DTD1: variants seen among roughly 807,000 people sequenced by gnomAD.
DTD1 encodes D-aminoacyl-tRNA deacylase 1.
Under a neutral mutation model 25.6 loss-of-function variants are expected in DTD1, and 13 were observed. The observed-to-expected ratio is 0.51, with a 90% CI of 0.33 to 0.81. DTD1 has a LOEUF of 0.81. DTD1 is among the 30% of genes least tolerant of loss of function. DTD1 has a pLI of 0.02. For missense variants in DTD1, 193 were observed against 266.4 expected, an observed-to-expected ratio of 0.72 and a Z score of 1.92; for synonymous variants, 110 against 103.6, an observed-to-expected ratio of 1.06 and a Z score of -0.37.
At chr20:18,708,207 T>TAA (rs1371286340) in intron 4 of DTD1, among the ~76,000 whole-genome samples, 2 of 6,862 alleles carry the variant, frequency 2.9e-4, no homozygotes, top group Non-Finnish European at 1.3e-3. Context: ...ATATATATAT[T>TAA]TTATATATAT....
At chr20:18,628,314 G>A (rs2060768243) in intron 4 of DTD1, 81 bp downstream of exon 4, 5 of 1,046,526 alleles carry the variant, frequency 4.8e-6, no homozygotes, top group Non-Finnish European at 7.2e-6. Context: ...TCCTCGGTCT[G>A]AGGAAATACA....
chr20:18,622,942 ATT>A (rs771564529), intron 3 of DTD1, among the ~76,000 whole-genome samples: 1 of 129,738 alleles, frequency 7.7e-6, no homozygotes, highest in Non-Finnish European at 1.6e-5. Context: ...ATTTTATAGA[ATT>A]TTTTTTTTTT....
intron 4 of DTD1, among the ~76,000 whole-genome samples, chr20:18,641,017 C>A (rs1288966581): frequency 6.6e-6 from 1 of 152,212 alleles, no homozygotes; most frequent in Non-Finnish European, 1.5e-5. Context: ...CAGCCACTGG[C>A]AACGGCCCTT....
intron 4 of DTD1, among the ~76,000 whole-genome samples, chr20:18,715,380 T>C (rs963544207): frequency 1.3e-5 from 2 of 152,144 alleles, no homozygotes; most frequent in Non-Finnish European, 2.9e-5. Flanking sequence ...GCATATCTGC[T>C]TCATCTTTGG....
intron 4 of DTD1, among the ~76,000 whole-genome samples, chr20:18,708,051 G>A (rs1299763449): frequency 6.7e-6 from 1 of 149,640 alleles, no homozygotes; most frequent in Non-Finnish European, 1.5e-5. Flanking sequence ...CCATTTCTCT[G>A]CCTCTTGAAA....
chr20:18,712,898 G>A (rs1158322937), intron 4 of DTD1, among the ~76,000 whole-genome samples: 5 of 152,228 alleles, frequency 3.3e-5, no homozygotes, highest in African/African-American at 9.6e-5. Flanking sequence ...TGCCACATAA[G>A]GTACCAGTTT....
chr20:18,658,298 T>C (rs189869312), intron 4 of DTD1, among the ~76,000 whole-genome samples: 16 of 151,830 alleles, frequency 1.1e-4, no homozygotes, highest in Non-Finnish European at 2.2e-4. Context: ...TACCAAGCTA[T>C]AGCTAGTGTC....
chr20:18,590,637 A>AT (rs936978513), intron 1 of DTD1, among the ~76,000 whole-genome samples: 3 of 151,774 alleles, frequency 2.0e-5, no homozygotes, highest in African/African-American at 7.3e-5. Flanking sequence ...TGCCTGGCTA[A>AT]TTTTTTTGTA....
chr20:18,660,064 C>A (rs1011722668), intron 4 of DTD1, among the ~76,000 whole-genome samples: 6 of 151,938 alleles, frequency 3.9e-5, no homozygotes, highest in Non-Finnish European at 1.5e-5. Context: ...ATGGTGAGAC[C>A]CTATCTCTAC....
chr20:18,682,944 G>A (rs1032609797), intron 4 of DTD1, among the ~76,000 whole-genome samples: 3 of 152,200 alleles, frequency 2.0e-5, no homozygotes, highest in Non-Finnish European at 4.4e-5. Flanking sequence ...ATATGTATAT[G>A]CTCAAACTTC....
intron 5 of DTD1, among the ~76,000 whole-genome samples, chr20:18,747,738 C>CT (rs1238457018): frequency 6.6e-6 from 1 of 151,996 alleles, no homozygotes; most frequent in African/African-American, 2.4e-5. Context: ...TTGGGCTGGG[C>CT]ATGGTGGCTC....
At chr20:18,613,194 A>G (rs1011074582) in intron 3 of DTD1, among the ~76,000 whole-genome samples, 1 of 152,150 alleles carries the variant, frequency 6.6e-6, no homozygotes, top group African/African-American at 2.4e-5. Context: ...TTTGTAACTT[A>G]TCCATCAATA....
At chr20:18,741,817 G>A (rs185066116) in intron 4 of DTD1, among the ~76,000 whole-genome samples, 1 of 151,866 alleles carries the variant, frequency 6.6e-6, no homozygotes, top group East Asian at 1.9e-4. Flanking sequence ...CTGCTTGCTG[G>A]GCTCAAGCGA....
intron 4 of DTD1, among the ~76,000 whole-genome samples, chr20:18,633,459 A>C (rs1426457000): frequency 6.6e-6 from 1 of 152,108 alleles, no homozygotes; most frequent in Admixed American, 6.5e-5. Context: ...ATCTGCTATC[A>C]TGGTCCACAC....
chr20:18,657,529 C>CA (rs1876794089), intron 4 of DTD1, among the ~76,000 whole-genome samples: 1 of 152,142 alleles, frequency 6.6e-6, no homozygotes, highest in South Asian at 2.1e-4. Flanking sequence ...TGGGCTTGGC[C>CA]AACAAAAGGA....
chr20:18,625,388 C>A lies in DTD1; in HGVS notation c.371-2739C>A, dbSNP rs143359227. On this transcript the variant is annotated intron_variant, in intron 3 of 5. Transcript: ENST00000377452. ...CTGGTCTCTGCCTAAGGCCCCAGAG[C>A]CCTTGCCTCAGCTTTCCAGGCACCT... Among the ~76,000 whole-genome samples, 7 of 152,364 alleles carry A rather than the reference C, an allele frequency of 4.6e-5. No homozygotes were observed. In the East Asian group the frequency reaches 1.3e-3, roughly 29 times the overall value.
chr20:18,673,312 T>A (rs533648935), intron 4 of DTD1, among the ~76,000 whole-genome samples: 2 of 152,210 alleles, frequency 1.3e-5, no homozygotes, highest in Non-Finnish European at 2.9e-5. Context: ...TATGAAAAAT[T>A]CTACAAGTCA....
Position 18,706,876 on chromosome 20 carries a change from C to T in DTD1, c.478-37224C>T, listed in dbSNP as rs191895442. Among the ~76,000 whole-genome samples the T allele has an allele frequency of 1.1e-3, 167 of 152,290 alleles. 1 individual carries two copies. Among genetic ancestry groups the T allele is most frequent in the African/African-American group, 3.6e-3 (148 of 41,544 alleles). On this transcript the variant is annotated intron_variant, in intron 4 of 5. Coordinates refer to ENST00000377452, the MANE Select transcript of DTD1 (RefSeq NM_080820.6). ...ATTGAGTTCTTTTTAATCCCGTTAG[C>T]GGTGCATTTCCATATTTTAATTGAA...
intron 1 of DTD1, among the ~76,000 whole-genome samples, chr20:18,591,631 CAT>C (rs2060590004): frequency 1.3e-5 from 2 of 151,786 alleles, no homozygotes; most frequent in South Asian, 4.1e-4. Flanking sequence ...TTCTTTTTTT[CAT>C]GTTTCTCATA....
Sources: allele counts gnomAD v4.1 joint callset (sites outside exome capture counted in the v4.1 genomes callset), GRCh38; gene constraint gnomAD v4.1.1; transcripts MANE v1.5; gene names NCBI Gene and HGNC (gene_info 2026-07-23, HGNC 2026-07-21).